The following ATAD2B variants were observed in gnomAD, a reference collection of about 807,000 sequenced individuals.
ATAD2B encodes ATPase family AAA domain containing 2B.
ATAD2B carries 40 observed loss-of-function variants against 167.6 expected under a neutral mutation model. The ratio of observed to expected loss-of-function variants is 0.24; its 90% CI spans 0.19 to 0.31. The LOEUF is 0.31. Ranked by LOEUF, ATAD2B falls within the 10% of genes least tolerant of loss-of-function variation. The pLI is 1.00. For synonymous variants in ATAD2B, 579 were observed against 596.5 expected, an observed-to-expected ratio of 0.97 and a Z score of 0.43; for missense variants, 1,242 against 1,757.2, an observed-to-expected ratio of 0.71 and a Z score of 5.24.
At chr2:23,880,117 T>C (rs934214994) in intron 7 of ATAD2B, among the ~76,000 whole-genome samples, 4 of 150,980 alleles carry the variant, frequency 2.6e-5, no homozygotes, top group African/African-American at 4.9e-5. Flanking sequence ...TAAATTAAAG[T>C]AAAGTGCTCA....
intron 22 of ATAD2B, among the ~76,000 whole-genome samples, chr2:23,781,403 G>A (rs1680036415): frequency 6.6e-6 from 1 of 151,942 alleles, no homozygotes; most frequent in Non-Finnish European, 1.5e-5. Context: ...AGTGGCTCAG[G>A]CCTGTAATCC....
chr2:23,682,412 C>T, the ATAD2B span, among the ~76,000 whole-genome samples: 1 of 152,272 alleles, frequency 6.6e-6, no homozygotes, highest in African/African-American at 2.4e-5. This position sits in a 1 kb window ranked among gnomAD's most constrained non-coding sequence, Gnocchi z 4.1. Flanking sequence ...CTTCGAGGCT[C>T]AACTCTCTGC....
chr2:23,872,486 C>T (rs1696149291), intron 8 of ATAD2B: 2 of 756,804 alleles, frequency 2.6e-6, no homozygotes, highest in South Asian at 1.4e-5. Context: ...CCCTCTTTTA[C>T]CAGGTGAGCT....
chr2:23,730,641 G>A, the ATAD2B span, among the ~76,000 whole-genome samples: 11 of 136,064 alleles, frequency 8.1e-5, no homozygotes, highest in East Asian at 2.1e-4. Flanking sequence ...ACTCCAGCCC[G>A]GGTGACAGAG....
rs554230646 is a variant in ATAD2B at position 23,769,460 on chromosome 2, T to A, written c.3134-3832A>T. On this transcript the variant is annotated intron_variant, in intron 22 of 27. Coordinates refer to ENST00000238789, the MANE Select transcript of ATAD2B (RefSeq NM_017552.4). ...GTCTCTTTATTTATTTATAAATAAA[T>A]AAATAAAATGAGGTAGTACAGTCAG... Among the ~76,000 whole-genome samples, 19 of 151,934 alleles carry A rather than the reference T, an allele frequency of 1.3e-4. No individual in the cohort carries two copies. In the South Asian group the frequency reaches 2.1e-3, roughly 17 times the overall value.
chr2:23,693,154 A>G, the ATAD2B span: 7 of 1,141,964 alleles, frequency 6.1e-6, no homozygotes, highest in Non-Finnish European at 7.9e-6. Flanking sequence ...TGGACACTGC[A>G]GTCAGGGTCC....
the ATAD2B span, among the ~76,000 whole-genome samples, chr2:23,724,843 A>G: frequency 6.6e-6 from 1 of 152,100 alleles, no homozygotes; most frequent in Non-Finnish European, 1.5e-5. Flanking sequence ...GGAGATCAAG[A>G]CCATCCTGGC....
chr2:23,683,011 C>G, the ATAD2B span, among the ~76,000 whole-genome samples: 2,806 of 152,340 alleles, frequency 0.018, 49 homozygotes, highest in Middle Eastern at 0.034. Flanking sequence ...CCAGTGTGTC[C>G]TCACCAAAAA....
At chr2:23,830,085 G>C (rs1266122928) in intron 14 of ATAD2B, among the ~76,000 whole-genome samples, 3 of 152,092 alleles carry the variant, frequency 2.0e-5, no homozygotes, top group African/African-American at 7.2e-5. Context: ...CTAGGTTTAA[G>C]TGATTCTCAT....
intron 22 of ATAD2B, among the ~76,000 whole-genome samples, chr2:23,768,007 A>C (rs1677708504): frequency 6.6e-6 from 1 of 152,206 alleles, no homozygotes; most frequent in South Asian, 2.1e-4. Context: ...ATGCCTAAAA[A>C]ATATCCCAAT....
chr2:23,852,577 T>C (rs748990452), intron 13 of ATAD2B, among the ~76,000 whole-genome samples: 3 of 152,158 alleles, frequency 2.0e-5, no homozygotes, highest in Non-Finnish European at 4.4e-5. Flanking sequence ...AAAGACAATA[T>C]ATTATGAGCA....
intron 16 of ATAD2B, among the ~76,000 whole-genome samples, chr2:23,822,197 T>C (rs1244291286): frequency 6.6e-6 from 1 of 152,220 alleles, no homozygotes; most frequent in Non-Finnish European, 1.5e-5. Context: ...TCAGGCTCCC[T>C]GGGTTGAGGC....
intron 27 of ATAD2B, 121 bp downstream of exon 27, chr2:23,754,058 A>G (rs911738531): frequency 1.2e-6 from 1 of 810,046 alleles, no homozygotes; most frequent in African/African-American, 1.8e-5. Context: ...TAAATCTTCA[A>G]AACATTCTTC....
intron 1 of ATAD2B, among the ~76,000 whole-genome samples, chr2:23,899,918 C>CTTTTTTTTTTT (rs34685891): frequency 1.2e-5 from 1 of 83,604 alleles, no homozygotes; most frequent in Non-Finnish European, 2.3e-5. Flanking sequence ...AGTTTTCTTA[C>CTTTTTTTTTTT]TTTTTTTTTT....
intron 17 of ATAD2B, among the ~76,000 whole-genome samples, chr2:23,814,308 C>A (rs1572874836): frequency 1.3e-5 from 2 of 152,250 alleles, no homozygotes. Context: ...ATGCTGAATG[C>A]CTTAGCCCTA....
chr2:23,803,289 G>A (rs926398721), intron 18 of ATAD2B, among the ~76,000 whole-genome samples: 4 of 151,600 alleles, frequency 2.6e-5, no homozygotes, highest in African/African-American at 9.7e-5. Flanking sequence ...AGCTGACTGT[G>A]AAATGCTCAG....
the ATAD2B span, chr2:23,695,917 T>G: frequency 6.5e-7 from 1 of 1,545,606 alleles, no homozygotes; most frequent in Admixed American, 2.0e-5. The surrounding 1 kb of genome is among the most constrained non-coding windows in gnomAD (Gnocchi z 7.6). Context: ...AGTCTTAGAG[T>G]GTGTCCCAAG....
chr2:23,681,976 G>A, the ATAD2B span, among the ~76,000 whole-genome samples: 1 of 152,048 alleles, frequency 6.6e-6, no homozygotes, highest in African/African-American at 2.4e-5. This position sits in a 1 kb window ranked among gnomAD's most constrained non-coding sequence, Gnocchi z 4.2. Flanking sequence ...CTCTAGCCCA[G>A]GCCTCTATCC....
At chr2:23,738,596 T>A in the ATAD2B span, among the ~76,000 whole-genome samples, 1 of 152,166 alleles carries the variant, frequency 6.6e-6, no homozygotes, top group Non-Finnish European at 1.5e-5. Context: ...TGCAAAAACA[T>A]GCCAAATTGT....
Sources: gnomAD v4.1 joint callset for allele counts (sites outside exome capture counted in the v4.1 genomes callset) on GRCh38, gnomAD v4.1.1 for gene constraint, Gnocchi (gnomAD v3.1) non-coding constraint, MANE v1.5 for transcripts, NCBI Gene and HGNC (gene_info 2026-07-23, HGNC 2026-07-21) for gene names.